Variants in MGAT5 observed in about 807,000 individuals in gnomAD.
MGAT5 encodes alpha-1,6-mannosylglycoprotein 6-beta-N-acetylglucosaminyltransferase A.
MGAT5 carries 30 observed loss-of-function variants against 94.3 expected under a neutral mutation model. The observed-to-expected ratio is 0.32, with a 90% CI of 0.24 to 0.43. The LOEUF is 0.43. Among genes scored for constraint, MGAT5 ranks in the 20% least tolerant of loss-of-function variants. The pLI, the probability that MGAT5 is intolerant of heterozygous loss-of-function variation, is 1.00. For missense variants in MGAT5, 691 were observed against 905.5 expected, an observed-to-expected ratio of 0.76 and a Z score of 3.04; for synonymous variants, 310 against 322.9, an observed-to-expected ratio of 0.96 and a Z score of 0.43.
intron 13 of MGAT5, among the ~76,000 whole-genome samples, chr2:134,425,350 GTTTT>G (rs963518126): frequency 1.4e-4 from 21 of 151,546 alleles, no homozygotes; most frequent in African/African-American, 4.8e-4. Flanking sequence ...TGTGTTTTTA[GTTTT>G]TTTTGTTTTT....
chr2:134,181,320 T>C (rs6726145), intron 1 of MGAT5, among the ~76,000 whole-genome samples: 1,760 of 152,118 alleles, frequency 0.012, 33 homozygotes, highest in African/African-American at 0.04. Context: ...AGTGTTGAGG[T>C]TGAGAAACCC....
chr2:134,160,422 T>G (rs1687678390), intron 1 of MGAT5, among the ~76,000 whole-genome samples: 1 of 152,250 alleles, frequency 6.6e-6, no homozygotes, highest in Non-Finnish European at 1.5e-5. Flanking sequence ...TCCGCCTGCC[T>G]CGGCCTCCCA....
At chr2:134,187,101 T>C (rs1407131105) in intron 1 of MGAT5, among the ~76,000 whole-genome samples, 2 of 150,924 alleles carry the variant, frequency 1.3e-5, no homozygotes, top group African/African-American at 4.9e-5. Context: ...GTGGGTGGAG[T>C]AAAGGGAGCC....
At chr2:134,385,650 A>G (rs1411504469) in intron 10 of MGAT5, among the ~76,000 whole-genome samples, 1 of 152,224 alleles carries the variant, frequency 6.6e-6, no homozygotes, top group East Asian at 1.9e-4. Context: ...CGAGGTAGTA[A>G]GGTAAGTATG....
At chr2:134,247,382 A>AC (rs1480913052) in intron 1 of MGAT5, among the ~76,000 whole-genome samples, 5 of 151,280 alleles carry the variant, frequency 3.3e-5, no homozygotes, top group Non-Finnish European at 5.9e-5. Context: ...AAACAAAAAA[A>AC]AAACGTAAAC....
intron 1 of MGAT5, among the ~76,000 whole-genome samples, chr2:134,236,244 TTC>T (rs1315258443): frequency 6.6e-6 from 1 of 152,184 alleles, no homozygotes; most frequent in South Asian, 2.1e-4. Flanking sequence ...TTCCAGGAAC[TTC>T]TTTTTCTTCA....
chr2:134,195,089 C>A (rs1488848826), intron 1 of MGAT5, among the ~76,000 whole-genome samples: 1 of 152,084 alleles, frequency 6.6e-6, no homozygotes, highest in Non-Finnish European at 1.5e-5. Context: ...AGAACACAGT[C>A]GGCATCCATA....
chr2:134,191,999 G>A (rs934093605), intron 1 of MGAT5, among the ~76,000 whole-genome samples: 17 of 139,276 alleles, frequency 1.2e-4, no homozygotes, highest in Non-Finnish European at 2.0e-4. Flanking sequence ...GGGTGGGTTC[G>A]CGCCCTCCTC....
intron 2 of MGAT5, among the ~76,000 whole-genome samples, chr2:134,285,655 T>A (rs1684958478): frequency 6.6e-6 from 1 of 152,236 alleles, no homozygotes; most frequent in South Asian, 2.1e-4. Context: ...ACTTTTGTTC[T>A]GGAAACACAA....
chr2:134,249,242 T>C (rs1682451447), upstream of MGAT5, among the ~76,000 whole-genome samples: 1 of 151,906 alleles, frequency 6.6e-6, no homozygotes. Flanking sequence ...TAACAGTTTT[T>C]TTTTTGAGAT....
At chr2:134,416,474 CT>C (rs71275904) in intron 12 of MGAT5, among the ~76,000 whole-genome samples, 60 of 138,970 alleles carry the variant, frequency 4.3e-4, no homozygotes, top group African/African-American at 5.5e-4. Context: ...TCATTCCTTA[CT>C]TTTTTTTTTT....
At chr2:134,134,599 C>G (rs1205730101) in intron 1 of MGAT5, among the ~76,000 whole-genome samples, 3 of 152,188 alleles carry the variant, frequency 2.0e-5, no homozygotes, top group Admixed American at 1.3e-4. Flanking sequence ...CAGTGCCCAG[C>G]TTGAGATCAC....
chr2:134,295,162 A>G (rs561037669), intron 2 of MGAT5, among the ~76,000 whole-genome samples: 5 of 152,326 alleles, frequency 3.3e-5, no homozygotes, highest in Admixed American at 2.0e-4. Context: ...TATAGTTTAG[A>G]TGTTCCTTAT....
At chr2:134,232,340 C>T (rs924836034) in intron 1 of MGAT5, among the ~76,000 whole-genome samples, 1 of 152,222 alleles carries the variant, frequency 6.6e-6, no homozygotes. Context: ...GATTTACCTG[C>T]CATTTGGTGG....
rs1371210995 is a variant in MGAT5, at chr2:134,297,009, G to A, written c.407-20520G>A. ...AAACCAAGAGTTTAAGATCAGCCTGGGCAACACAGTGAGACCCCATTATCT... is the reference window on the plus strand; with the variant it reads ...AAACCAAGAGTTTAAGATCAGCCTGAGCAACACAGTGAGACCCCATTATCT... On this transcript the variant is annotated intron_variant, in intron 2 of 15. Transcript: ENST00000281923. 3.3e-5 allele frequency among the ~76,000 whole-genome samples: 5 copies of A among 151,760 alleles called. No homozygotes were observed. The East Asian group carries it at 9.7e-4, about 29-fold the overall frequency.
intron 1 of MGAT5, among the ~76,000 whole-genome samples, chr2:134,159,118 G>A (rs1485438678): frequency 6.6e-6 from 1 of 151,164 alleles, no homozygotes; most frequent in Non-Finnish European, 1.5e-5. Context: ...CTTTTATGTG[G>A]CTACCAGAAC....
intron 1 of MGAT5, among the ~76,000 whole-genome samples, chr2:134,239,040 C>A (rs1681816909): frequency 6.6e-6 from 1 of 152,132 alleles, no homozygotes; most frequent in Non-Finnish European, 1.5e-5. Flanking sequence ...GCTCTGTCAC[C>A]CAGGCTGGAG....
chr2:134,401,697 G>T (rs772453419), intron 10 of MGAT5, among the ~76,000 whole-genome samples: 3 of 152,212 alleles, frequency 2.0e-5, no homozygotes, highest in African/African-American at 2.4e-5. Flanking sequence ...ACCAGACATG[G>T]CATGGAATTA....
At chr2:134,245,487 G>T (rs1194616334) in intron 1 of MGAT5, among the ~76,000 whole-genome samples, 1 of 152,194 alleles carries the variant, frequency 6.6e-6, no homozygotes, top group Admixed American at 6.5e-5. Context: ...CCACCTGCCA[G>T]TAATGTGCAC....
Sources: allele counts gnomAD v4.1 joint callset (sites outside exome capture counted in the v4.1 genomes callset), GRCh38; gene constraint gnomAD v4.1.1; transcripts MANE v1.5; gene names NCBI Gene and HGNC (gene_info 2026-07-23, HGNC 2026-07-21).